SHISA9: variants seen among roughly 807,000 people sequenced by gnomAD.
The protein encoded by SHISA9 is protein shisa-9.
In SHISA9, 13 loss-of-function variants were observed where a neutral mutation model predicts 38.0. The observed-to-expected ratio is 0.34, with a 90% CI of 0.22 to 0.54. The LOEUF (loss-of-function observed/expected upper bound fraction) is 0.54, where lower values mean the gene tolerates loss of function less well. SHISA9 is among the 20% of genes least tolerant of loss of function. The pLI is 0.91. For missense variants in SHISA9, 538 were observed against 575.8 expected (o/e 0.93, Z 0.67); for synonymous variants, 275 against 242.0 (o/e 1.14, Z -1.27).
At chr16:13,137,517 G>A (rs964336594) in intron 2 of SHISA9, among the ~76,000 whole-genome samples, 2 of 149,556 alleles carry the variant, frequency 1.3e-5, no homozygotes, top group Non-Finnish European at 3.0e-5. Context: ...GTGCAGTGGT[G>A]AGATCTCGGC....
intron 2 of SHISA9, among the ~76,000 whole-genome samples, chr16:13,099,224 G>A (rs1256569263): frequency 6.6e-6 from 1 of 152,206 alleles, no homozygotes; most frequent in African/African-American, 2.4e-5. Flanking sequence ...CTTACAATAT[G>A]TAGTCTCTGG....
At chr16:13,188,913 A>C (rs1567240594) in intron 2 of SHISA9, among the ~76,000 whole-genome samples, 1 of 152,284 alleles carries the variant, frequency 6.6e-6, no homozygotes, top group African/African-American at 2.4e-5. Context: ...GAGTAGGATG[A>C]GTCCCTAATC....
At chr16:13,444,666 C>T in the SHISA9 span, among the ~76,000 whole-genome samples, 2 of 152,230 alleles carry the variant, frequency 1.3e-5, no homozygotes, top group East Asian at 3.9e-4. Flanking sequence ...TACACCTTTG[C>T]AACAGCTGCA....
At chr16:13,522,713 C>T in the SHISA9 span, among the ~76,000 whole-genome samples, 1 of 152,170 alleles carries the variant, frequency 6.6e-6, no homozygotes, top group African/African-American at 2.4e-5. Flanking sequence ...TAGGCCACAG[C>T]CATCCCTTCC....
the SHISA9 span, among the ~76,000 whole-genome samples, chr16:13,438,276 G>A: frequency 6.6e-6 from 1 of 152,174 alleles, no homozygotes; most frequent in Non-Finnish European, 1.5e-5. Context: ...ATTTTCTTAA[G>A]ATTCTGGGAG....
chr16:13,014,583 G>A (rs1157052551), intron 2 of SHISA9, among the ~76,000 whole-genome samples: 4 of 152,188 alleles, frequency 2.6e-5, no homozygotes, highest in Non-Finnish European at 5.9e-5. Context: ...ACTCCAGAAT[G>A]AGCATGAACA....
the SHISA9 span, among the ~76,000 whole-genome samples, chr16:13,303,924 A>G: frequency 6.6e-6 from 1 of 152,208 alleles, no homozygotes; most frequent in Non-Finnish European, 1.5e-5. Context: ...ACAGACCACA[A>G]GAATCATATC....
the SHISA9 span, among the ~76,000 whole-genome samples, chr16:13,275,966 A>T: frequency 3.3e-5 from 5 of 151,848 alleles, no homozygotes; most frequent in African/African-American, 1.2e-4. Context: ...TACAGGTGGT[A>T]TTTGGTTACG....
chr16:13,073,052 G>T lies in SHISA9; in HGVS notation c.692-130342G>T, dbSNP rs997492400. 3.9e-5 allele frequency among the ~76,000 whole-genome samples: 6 copies of T among 152,100 alleles called. No individual in the cohort carries two copies. The East Asian group carries it at 1.2e-3, about 29-fold the overall frequency. ...GTGATCCTCCTGTCTTGGCCTTTCAGAGTGCTGGGATTACAGACGTGAGCT... is the reference window on the plus strand; with the variant it reads ...GTGATCCTCCTGTCTTGGCCTTTCATAGTGCTGGGATTACAGACGTGAGCT... On this transcript the variant is annotated intron_variant, in intron 2 of 4. Coordinates refer to ENST00000558583, the MANE Select transcript of SHISA9 (RefSeq NM_001145204.3).
intron 2 of SHISA9, among the ~76,000 whole-genome samples, chr16:13,195,302 CAATTGA>C (rs1270779341): frequency 6.6e-6 from 1 of 152,050 alleles, no homozygotes; most frequent in Non-Finnish European, 1.5e-5. Context: ...TCAAAGGAGA[CAATTGA>C]AATAGTTTCC....
At chr16:13,137,935 G>A (rs1005535928) in intron 2 of SHISA9, among the ~76,000 whole-genome samples, 9 of 152,124 alleles carry the variant, frequency 5.9e-5, no homozygotes, top group Non-Finnish European at 1.0e-4. Flanking sequence ...TCAGGACTAA[G>A]CGCAAGTAGA....
At chr16:13,015,951 TTTCCCTTCCCTTCCC>T (rs1567182503) in intron 2 of SHISA9, among the ~76,000 whole-genome samples, 1 of 6,338 alleles carries the variant, frequency 1.6e-4, no homozygotes, top group Non-Finnish European at 3.7e-4. Context: ...CCTTCTCTCT[TTTCCCTTCCCTTCCC>T]TTCCCTTCCC....
At chr16:13,187,340 T>TTTCTTTC (rs1567239860) in intron 2 of SHISA9, among the ~76,000 whole-genome samples, 1 of 144,456 alleles carries the variant, frequency 6.9e-6, no homozygotes, top group East Asian at 2.1e-4. Context: ...TTTTTTTTTT[T>TTTCTTTC]TTTTTTTTTT....
At chr16:13,110,488 C>T in intron 2 of SHISA9, among the ~76,000 whole-genome samples, 1 of 152,174 alleles carries the variant, frequency 6.6e-6, no homozygotes, top group Non-Finnish European at 1.5e-5. Context: ...GATGTGTGCT[C>T]CCTGTTTCTC....
intron 2 of SHISA9, among the ~76,000 whole-genome samples, chr16:12,941,056 G>A (rs1025391669): frequency 2.0e-5 from 3 of 152,086 alleles, no homozygotes; most frequent in Non-Finnish European, 4.4e-5. Context: ...TTAGAAAAAT[G>A]TTTAAAACTT....
At chr16:13,275,940 C>G in the SHISA9 span, among the ~76,000 whole-genome samples, 2 of 151,472 alleles carry the variant, frequency 1.3e-5, no homozygotes, top group Non-Finnish European at 2.9e-5. Context: ...TTTAATTTTT[C>G]CATAATTTAT....
the SHISA9 span, among the ~76,000 whole-genome samples, chr16:13,402,443 C>G: frequency 6.6e-6 from 1 of 152,050 alleles, no homozygotes; most frequent in African/African-American, 2.4e-5. Flanking sequence ...ATTCACCCTT[C>G]CTCCGCTTTT....
intron 3 of SHISA9, among the ~76,000 whole-genome samples, chr16:13,204,496 G>T (rs1041837419): frequency 6.6e-6 from 1 of 152,146 alleles, no homozygotes; most frequent in Non-Finnish European, 1.5e-5. Flanking sequence ...TCTTGACATA[G>T]AATCTAGGTC....
intron 2 of SHISA9, among the ~76,000 whole-genome samples, chr16:13,061,433 C>A (rs892603708): frequency 6.6e-6 from 1 of 152,136 alleles, no homozygotes; most frequent in South Asian, 2.1e-4. Context: ...CAAGTCGCTT[C>A]GTCCGACAAT....
Sources: allele counts gnomAD v4.1 joint callset (sites outside exome capture counted in the v4.1 genomes callset), GRCh38; gene constraint gnomAD v4.1.1; transcripts MANE v1.5; gene names NCBI Gene and HGNC (gene_info 2026-07-23, HGNC 2026-07-21).